The following SZT2 variants were observed in gnomAD, a reference collection of about 807,000 sequenced individuals.
SZT2 encodes KICSTOR complex protein SZT2.
In SZT2, 216 loss-of-function variants were observed where a neutral mutation model predicts 404.2. The ratio of observed to expected loss-of-function variants is 0.53; its 90% CI spans 0.48 to 0.60. The LOEUF is 0.60. Among genes scored for constraint, SZT2 ranks in the 20% least tolerant of loss-of-function variants. SZT2 has a pLI of 0.00. For missense variants in SZT2, 3,857 were observed against 4,459.2 expected, an observed-to-expected ratio of 0.86 and a Z score of 3.85; for synonymous variants, 1,693 against 1,749.9, an observed-to-expected ratio of 0.97 and a Z score of 0.81.
At position 43,452,999 on chromosome 1, in the gene SZT2, C is replaced by G; in HGVS notation, c.*2519C>G. ...CAACTTCCTGCCCATCAAGCAATGC[C>G]CACTCCTTGAAGACAGTCCAAGCAT... On this transcript the variant is annotated 3_prime_UTR_variant, in exon 72 of 72. Transcript: ENST00000634258. 6.4e-7 allele frequency: 1 copy of G among 1,564,922 alleles called. No homozygotes were observed. Among genetic ancestry groups the G allele is most frequent in the South Asian group, 1.1e-5 (1 of 88,420 alleles).
rs1010360647 is a variant in SZT2, at chr1:43,437,012, C to T, written c.6035-159C>T. On this transcript the variant is annotated intron_variant, in intron 42 of 71. Coordinates refer to ENST00000634258, the MANE Select transcript of SZT2 (RefSeq NM_001365999.1). The surrounding 1 kb of genome is among the most constrained non-coding windows in gnomAD (Gnocchi z 5.3). ...TGTGTTCCTAAGGGCATGCATCTGC[C>T]TGGCCCTGTCGTGTTACCCAGAATG... is the stretch of plus-strand genomic sequence containing the variant. The T allele has an allele frequency of 2.2e-6, 2 of 917,320 alleles. No individual in the cohort carries two copies. Among genetic ancestry groups the T allele is most frequent in the Admixed American group, 4.8e-5 (2 of 41,954 alleles). The allele number at this position is 917,320 out of a possible 1,614,324, so 56.8% of individuals were successfully genotyped here. A position where few individuals can be genotyped will look rare whatever the true frequency, so the allele number is the denominator to read the frequency against.
Position 43,441,724 on chromosome 1 carries a change from T to G in SZT2, c.7648T>G (p.Ser2550Ala), listed in dbSNP as rs1655078808. 3 of 1,614,174 alleles carry G rather than the reference T, an allele frequency of 1.9e-6. No individual in the cohort carries two copies. Among genetic ancestry groups the G allele is most frequent in the Non-Finnish European group, 2.5e-6 (3 of 1,180,034 alleles). The change falls in exon 55 of 72, where the codon TCC (serine) becomes GCC (alanine). Residue 2550 changes from serine to alanine, a missense_variant. Ser to Ala is a moderately conservative substitution (Grantham distance 99, BLOSUM62 1). Coordinates refer to ENST00000634258, the MANE Select transcript of SZT2 (RefSeq NM_001365999.1). This position sits in a 1 kb window ranked among gnomAD's most constrained non-coding sequence, Gnocchi z 4.8. ...SVSRSSAHMV[S>A]RFLLPSILSE... ...GTCCAGAAGCTCTGCCCACATGGTG[T>G]CCCGGTTCCTCCTTCCATCCATCCT...
At chr1:43,399,696 C>T (rs1649446142) in intron 1 of SZT2, among the ~76,000 whole-genome samples, 1 of 151,948 alleles carries the variant, frequency 6.6e-6, no homozygotes, top group African/African-American at 2.4e-5. Flanking sequence ...CTCCTGACCT[C>T]GTGAACCGCC....
intron 1 of SZT2, among the ~76,000 whole-genome samples, chr1:43,395,762 A>G (rs1289519831): frequency 6.6e-6 from 1 of 152,202 alleles, no homozygotes; most frequent in Non-Finnish European, 1.5e-5. Flanking sequence ...TCATTGTATC[A>G]TTAGGACCCA....
At chr1:43,415,847 A>C in intron 5 of SZT2, 113 bp from the exon 6 acceptor site, 1 of 1,276,726 alleles carries the variant, frequency 7.8e-7, no homozygotes, top group Non-Finnish European at 1.1e-6. Context: ...TGAGGTTCTC[A>C]CAGGATTCGG....
In SZT2 at chr1:43,420,456, G is replaced by T; in HGVS notation, c.1261+133G>T. ...CACTTGAGACAGTGGGTTTTGAATT[G>T]TCATCAGGGCTTAATTCTCTTAGCA... On this transcript the variant is annotated intron_variant, in intron 9 of 71. Transcript: ENST00000634258. This position sits in a 1 kb window ranked among gnomAD's most constrained non-coding sequence, Gnocchi z 5.1. 7 of 1,218,808 alleles carry T rather than the reference G, an allele frequency of 5.7e-6. No homozygotes were observed. Among genetic ancestry groups the T allele is most frequent in the South Asian group, 3.2e-5 (2 of 62,978 alleles). 75.5% of individuals were successfully genotyped at this position (1,218,808 alleles called of 1,614,324 possible). A position where few individuals can be genotyped will look rare whatever the true frequency, so the allele number is the denominator to read the frequency against.
chr1:43,389,999 A>C lies in SZT2; in HGVS notation c.27+4A>C. On this transcript the variant is annotated splice_donor_region_variant and intron_variant, in intron 1 of 71. Coordinates refer to ENST00000634258, the MANE Select transcript of SZT2 (RefSeq NM_001365999.1). ...CTCGGAGCGCCCGGAGCCGGAGGTG[A>C]GGGGCGGGCGGGCGCAGCACTGGGC... is the stretch of plus-strand genomic sequence containing the variant. The C allele has an allele frequency of 7.2e-7, 1 of 1,385,382 alleles. No homozygotes were observed. The highest frequency in any genetic ancestry group is 9.3e-7 in the Non-Finnish European group (1 of 1,073,056). 85.8% of individuals were successfully genotyped at this position (1,385,382 alleles called of 1,614,324 possible).
intron 42 of SZT2, chr1:43,436,237 T>C (rs565247212): frequency 1.3e-5 from 2 of 152,304 alleles, no homozygotes; most frequent in South Asian, 4.1e-4. Context: ...AGCAAGTCTG[T>C]AGACAAACGT....
rs939854090 is a variant in SZT2, at chr1:43,448,781, C to A, written c.10086+53C>A. ...AGGGAAACACAGCAGAAATCCTCAC[C>A]AAACAGATGTGCCCCTCAGCCTGAC... On this transcript the variant is annotated intron_variant, in intron 70 of 71. Coordinates refer to ENST00000634258, the MANE Select transcript of SZT2 (RefSeq NM_001365999.1). This position sits in a 1 kb window ranked among gnomAD's most constrained non-coding sequence, Gnocchi z 4.2. 6.5e-7 allele frequency: 1 copy of A among 1,530,884 alleles called. No homozygotes were observed. Among genetic ancestry groups the A allele is most frequent in the South Asian group, 1.1e-5 (1 of 89,336 alleles). The allele number at this position is 1,530,884 out of a possible 1,614,324, so 94.8% of individuals were successfully genotyped here. A position where few individuals can be genotyped will look rare whatever the true frequency, so the allele number is the denominator to read the frequency against.
At position 43,448,337 on chromosome 1, in the gene SZT2, T is replaced by C. The variant is rs1655945825; in HGVS notation, c.9822T>C (p.Arg3274=). 6.4e-7 allele frequency: 1 copy of C among 1,552,520 alleles called. No individual in the cohort carries two copies. Among genetic ancestry groups the C allele is most frequent in the South Asian group, 1.2e-5 (1 of 84,526 alleles). Residue 3274 remains arginine, a synonymous_variant, in exon 69 of 72, where the codon CGT becomes CGC. Transcript: ENST00000634258. The surrounding 1 kb of genome is among the most constrained non-coding windows in gnomAD (Gnocchi z 4.2). The part of the protein sequence containing the change: ...QLVRLAGGHC[R]RDTLWKRLFL... The stretch of plus-strand genomic sequence containing the variant: ...TGCGGCTGGCTGGAGGGCACTGCCG[T>C]CGGGACACCCTTTGGAAGCGCCTCT...
chr1:43,441,637 C>T lies in SZT2; in HGVS notation c.7609+36C>T. On this transcript the variant is annotated intron_variant, in intron 54 of 71. Coordinates refer to ENST00000634258, the MANE Select transcript of SZT2 (RefSeq NM_001365999.1). This position sits in a 1 kb window ranked among gnomAD's most constrained non-coding sequence, Gnocchi z 4.8. ...AGCCTCCCCTCCCATCCCTCAACCCCAGCCTGGTCTCCATCCTGCAGCTCC... is the reference window on the plus strand; with the variant it reads ...AGCCTCCCCTCCCATCCCTCAACCCTAGCCTGGTCTCCATCCTGCAGCTCC... 6.2e-7 allele frequency: 1 copy of T among 1,614,056 alleles called. No homozygotes were observed. Among genetic ancestry groups the T allele is most frequent in the Non-Finnish European group, 8.5e-7 (1 of 1,179,954 alleles).
Position 43,453,984 on chromosome 1 carries a change from G to A in SZT2, c.*3504G>A. ...AAGCGCCTACGGTTAGCGAGAGAGG[G>A]ATCACGGGGAGAGGCGAAGGGGCGG... On this transcript the variant is annotated 3_prime_UTR_variant, in exon 72 of 72. Transcript: ENST00000634258. The A allele has an allele frequency of 8.4e-7, 1 of 1,188,070 alleles. No individual in the cohort carries two copies. Among genetic ancestry groups the A allele is most frequent in the African/African-American group, 1.6e-5 (1 of 62,634 alleles). 73.6% of individuals were successfully genotyped at this position (1,188,070 alleles called of 1,614,324 possible).
At chr1:43,405,318 A>AT (rs149223179) in intron 4 of SZT2, 57 of 148,724 alleles carry the variant, frequency 3.8e-4, no homozygotes, top group African/African-American at 3.4e-4. Context: ...AGTGTGGGTC[A>AT]TTTTTTTTTT....
intron 3 of SZT2, chr1:43,404,018 T>C: frequency 5.5e-6 from 3 of 547,698 alleles, no homozygotes; most frequent in Non-Finnish European, 6.5e-6. Context: ...GAGACTAGCC[T>C]GGGCCACATG....
rs1229609184 is a variant in SZT2, at chr1:43,450,956, C to T, written c.*476C>T. 6.6e-6 allele frequency: 5 copies of T among 760,956 alleles called. No individual in the cohort carries two copies. The highest frequency in any genetic ancestry group is 5.4e-5 in the South Asian group (4 of 73,736). 47.1% of individuals were successfully genotyped at this position (760,956 alleles called of 1,614,324 possible). On this transcript the variant is annotated 3_prime_UTR_variant, in exon 72 of 72. Transcript: ENST00000634258. The surrounding 1 kb of genome is among the most constrained non-coding windows in gnomAD (Gnocchi z 4.3). ...CACCTGGGTTCCAATCCCAGCTCTGCCTTTGAAGCACTTGTGGCCACCGTC... is the reference window on the plus strand; with the variant it reads ...CACCTGGGTTCCAATCCCAGCTCTGTCTTTGAAGCACTTGTGGCCACCGTC...
chr1:43,422,398 A>G, intron 12 of SZT2, 82 bp from the exon 13 acceptor site: 1 of 1,506,350 alleles, frequency 6.6e-7, no homozygotes, highest in Non-Finnish European at 8.8e-7. Flanking sequence ...GGCAAGGCCT[A>G]GAAGAGAGTG....
chr1:43,426,464 G>T lies in SZT2; in HGVS notation c.3140G>T (p.Arg1047Leu). Residue 1047 changes from arginine to leucine, a missense_variant, in exon 22 of 72, where the codon CGG (arginine) becomes CTG (leucine). Coordinates refer to ENST00000634258, the MANE Select transcript of SZT2 (RefSeq NM_001365999.1). The surrounding 1 kb of genome is among the most constrained non-coding windows in gnomAD (Gnocchi z 4.9). ...HSCLGQELSD[R>L]EIPLTPVDQA... ...TGCCTGGGGCAGGAGCTGAGTGACCGGGAGATCCCACTGACCCCCGTTGAC... is the reference window on the plus strand; with the variant it reads ...TGCCTGGGGCAGGAGCTGAGTGACCTGGAGATCCCACTGACCCCCGTTGAC... 1 of 1,596,980 alleles carries T rather than the reference G, an allele frequency of 6.3e-7. No individual in the cohort carries two copies.
Position 43,451,650 on chromosome 1 carries a change from A to G in SZT2, c.*1170A>G, listed in dbSNP as rs746943963. ...AGGGCAAAGGAAGGTCCTCTCACCA[A>G]CAATGGGCAGGAACTCCCGGATGTT... On this transcript the variant is annotated 3_prime_UTR_variant, in exon 72 of 72. Coordinates refer to ENST00000634258, the MANE Select transcript of SZT2 (RefSeq NM_001365999.1). 8 of 1,614,188 alleles carry G rather than the reference A, an allele frequency of 5.0e-6. No homozygotes were observed. Among genetic ancestry groups the G allele is most frequent in the Non-Finnish European group, 6.8e-6 (8 of 1,180,012 alleles).
chr1:43,426,100 T>C lies in SZT2; in HGVS notation c.2992T>C (p.Leu998=). The change falls in exon 21 of 72, where the codon TTG becomes CTG. Residue 998 remains leucine, a synonymous_variant. Transcript: ENST00000634258. The surrounding 1 kb of genome is among the most constrained non-coding windows in gnomAD (Gnocchi z 4.9). ...CCCTTTCCATTTTGACCTAATGGGA[T>C]TGCTGCCACAGTGCCAGCAGCTCCA... is the stretch of plus-strand genomic sequence containing the variant. ...EIPFHFDLMG[L]LPQCQQLQMF... is the part of the protein sequence containing the mutation. 6.2e-7 allele frequency: 1 copy of C among 1,614,152 alleles called. No homozygotes were observed. Among genetic ancestry groups the C allele is most frequent in the Non-Finnish European group, 8.5e-7 (1 of 1,180,018 alleles).
Sources: allele counts gnomAD v4.1 joint callset (sites outside exome capture counted in the v4.1 genomes callset), GRCh38; gene constraint gnomAD v4.1.1; non-coding constraint Gnocchi (gnomAD v3.1); transcripts MANE v1.5; gene names NCBI Gene and HGNC (gene_info 2026-07-23, HGNC 2026-07-21).